PRSS37: variants seen among roughly 807,000 people sequenced by gnomAD.
PRSS37 encodes the protein probable inactive serine protease 37.
Under a neutral mutation model 28.0 loss-of-function variants are expected in PRSS37, and 25 were observed. The observed-to-expected ratio is 0.89, with a 90% confidence interval of 0.65 to 1.25. The LOEUF (loss-of-function observed/expected upper bound fraction) is 1.25, where lower values mean the gene tolerates loss of function less well. Among genes scored for constraint, PRSS37 ranks in the 50% most tolerant of loss-of-function variants. The pLI, the probability that PRSS37 is intolerant of heterozygous loss-of-function variation, is 0.00. For synonymous variants in PRSS37, 109 were observed against 107.8 expected, an observed-to-expected ratio of 1.01 and a Z score of -0.07; for missense variants, 282 against 292.2, an observed-to-expected ratio of 0.97 and a Z score of 0.25.
chr7:141,839,206 CT>C (rs1584803025), intron 2 of PRSS37, 131 bp downstream of exon 2: 1 of 856,686 alleles, frequency 1.2e-6, no homozygotes, highest in Non-Finnish European at 1.8e-6. Flanking sequence ...GCACTGCCCC[CT>C]GGTTGTGACA....
At position 141,837,257 on chromosome 7, in the gene PRSS37, G is replaced by A; in HGVS notation, c.431-9C>T. 1 of 1,585,278 alleles carries A rather than the reference G, an allele frequency of 6.3e-7. No individual in the cohort carries two copies. The highest frequency in any genetic ancestry group is 8.6e-7 in the Non-Finnish European group (1 of 1,169,368). On this transcript the variant is annotated splice_polypyrimidine_tract_variant and intron_variant, in intron 3 of 4. Coordinates refer to ENST00000350549, the MANE Select transcript of PRSS37 (RefSeq NM_001008270.3). ...CAAGTCAGGGTGTCGGCCTGAGGGA[G>A]ACGGGGATAAAATAAAACATCCTGT...
At position 141,839,427 on chromosome 7, in the gene PRSS37, A is replaced by G; in HGVS notation, c.87T>C (p.Tyr29=). ...SSVQKEDPAP[Y]LVYLKSHFNP... ...TGAAGTGAGACTTGAGGTACACCAA[A>G]TAGGGAGCAGGGTCTTCTTTCTGAA... Residue 29 remains tyrosine, a synonymous_variant, in exon 2 of 5, where the codon TAT becomes TAC. Coordinates refer to ENST00000350549, the MANE Select transcript of PRSS37 (RefSeq NM_001008270.3). The G allele has an allele frequency of 6.2e-7, 1 of 1,613,798 alleles. No individual in the cohort carries two copies. The highest frequency in any genetic ancestry group is 8.5e-7 in the Non-Finnish European group (1 of 1,179,718).
rs1800956263 is a variant in PRSS37, at chr7:141,836,450, T to A, written c.653A>T (p.Tyr218Phe). 6.2e-7 allele frequency: 1 copy of A among 1,614,066 alleles called. No individual in the cohort carries two copies. The highest frequency in any genetic ancestry group is 8.5e-7 in the Non-Finnish European group (1 of 1,180,030). ...GHFMGGDVGI[Y>F]TNVYKYVSWI... Reference sequence around the variant, plus strand: ...GGATACATATTTGTAAACATTGGTGTAGATGCCGACGTCCCCTCCCATGAA... The same window carrying A: ...GGATACATATTTGTAAACATTGGTGAAGATGCCGACGTCCCCTCCCATGAA... Residue 218 changes from tyrosine to phenylalanine, a missense_variant, in exon 5 of 5, where the codon TAC becomes TTC. Tyr to Phe is a conservative substitution (Grantham distance 22). Coordinates refer to ENST00000350549, the MANE Select transcript of PRSS37 (RefSeq NM_001008270.3).
In PRSS37 at chr7:141,841,206, C is replaced by G; in HGVS notation, c.-157G>C. On this transcript the variant is annotated 5_prime_UTR_variant, in exon 1 of 5. Transcript: ENST00000350549. ...ATTGGAAAGCAGCTCTGGGCATAAA[C>G]AGGGGAGGGAGATGGCTTCAGAGAG... 1 of 1,465,460 alleles carries G rather than the reference C, an allele frequency of 6.8e-7. No homozygotes were observed. Among genetic ancestry groups the G allele is most frequent in the South Asian group, 1.4e-5 (1 of 73,608 alleles). 90.8% of individuals were successfully genotyped at this position (1,465,460 alleles called of 1,614,324 possible).
intron 1 of PRSS37, among the ~76,000 whole-genome samples, chr7:141,840,135 A>G (rs1801107945): frequency 6.6e-6 from 1 of 152,196 alleles, no homozygotes. Flanking sequence ...CTGAGAGTAA[A>G]CTCAAAGTGT....
chr7:141,838,168 A>G (rs11765575), intron 2 of PRSS37, 55 bp from the exon 3 acceptor site: 509,896 of 1,605,226 alleles, frequency 0.32, 83,176 homozygotes, highest in East Asian at 0.52. Flanking sequence ...CATTGCTAAG[A>G]TACTGAATGT....
chr7:141,837,365 A>G (rs1425946028), intron 3 of PRSS37, 117 bp from the exon 4 acceptor site: 7 of 1,307,002 alleles, frequency 5.4e-6, no homozygotes, highest in Non-Finnish European at 1.0e-6. Context: ...GAAAATAAGG[A>G]ATGCGACAAA....
rs1462911997 is a variant in PRSS37, at chr7:141,836,785, A to AT, written c.568-251dup. Among the ~76,000 whole-genome samples, 53 of 152,130 alleles carry AT rather than the reference A, an allele frequency of 3.5e-4. 1 individual carries two copies. Among genetic ancestry groups the AT allele is most frequent in the Admixed American group, 3.3e-3 (50 of 15,276 alleles). On this transcript the variant is annotated intron_variant, in intron 4 of 4. Coordinates refer to ENST00000350549, the MANE Select transcript of PRSS37 (RefSeq NM_001008270.3). ...TCACATGTAAAATGGGTCAGACTCCATTTTTTTGAACTGGTGAAGGCATTT... is the reference window on the plus strand; with the variant it reads ...TCACATGTAAAATGGGTCAGACTCCATTTTTTTTGAACTGGTGAAGGCATTT...
intron 2 of PRSS37, chr7:141,838,328 A>T: frequency 7.1e-7 from 1 of 1,412,736 alleles, no homozygotes; most frequent in East Asian, 2.6e-5. Context: ...GTGATATAGT[A>T]AGTAGTGGAG....
At chr7:141,839,564 T>G in intron 1 of PRSS37, 85 bp from the exon 2 acceptor site, 1 of 1,106,338 alleles carries the variant, frequency 9.0e-7, no homozygotes. Context: ...TCTGGATGAT[T>G]CTTAAACAGT....
chr7:141,838,578 C>A, intron 2 of PRSS37: 1 of 442,484 alleles, frequency 2.3e-6, no homozygotes, highest in Non-Finnish European at 3.2e-6. Flanking sequence ...AATCAGTGGG[C>A]TCTCTTGTCC....
rs73525255 is a variant in PRSS37 at position 141,841,068 on chromosome 7, C to A, written c.-19G>T. On this transcript the variant is annotated 5_prime_UTR_variant, in exon 1 of 5. Transcript: ENST00000350549. ...ATTTCATGGTGATCCAGCTCTTCCC[C>A]CTGTGAGATGTAGAAGAAAATCAGC... 2.6e-3 allele frequency: 4,240 copies of A among 1,613,450 alleles called. 107 individuals are homozygous for A. The African/African-American group carries it at 0.051, about 19-fold the overall frequency.
chr7:141,837,756 C>T (rs1277200395), intron 3 of PRSS37, 104 bp downstream of exon 3: 3 of 1,556,106 alleles, frequency 1.9e-6, no homozygotes, highest in African/African-American at 2.7e-5. Flanking sequence ...TATTGGGTCT[C>T]CTTTCACTCT....
In PRSS37 at chr7:141,839,479, C is replaced by A. The variant is rs527971176; in HGVS notation, c.35G>T (p.Gly12Val). 3.1e-6 allele frequency: 5 copies of A among 1,609,342 alleles called. No homozygotes were observed. Among genetic ancestry groups the A allele is most frequent in the Non-Finnish European group, 4.2e-6 (5 of 1,176,642 alleles). Residue 12 changes from glycine (G) to valine (V), a missense_variant and splice_region_variant, in exon 2 of 5, where the codon GGG becomes GTG. Transcript: ENST00000350549. ...AGATGAGTCAGCAAAGAAAAATGTC[C>A]CTGAGAAAATAATGAACATTCTTAA... is the stretch of plus-strand genomic sequence containing the variant. ...KYVFYLGVLA[G>V]TFFFADSSVQ...
intron 2 of PRSS37, 147 bp downstream of exon 2, chr7:141,839,191 C>CT: frequency 1.4e-6 from 1 of 716,926 alleles, no homozygotes; most frequent in Admixed American, 2.6e-5. Context: ...CATTAGATGC[C>CT]AATAGCACTG....
intron 2 of PRSS37, chr7:141,839,078 C>G (rs1801071300): frequency 3.2e-6 from 2 of 618,036 alleles, no homozygotes; most frequent in Non-Finnish European, 5.9e-6. Context: ...CAGGGTTCCT[C>G]AACAGTGGCA....
At chr7:141,838,144 A>G (rs761158331) in intron 2 of PRSS37, 31 bp from the exon 3 acceptor site, 1 of 1,612,208 alleles carries the variant, frequency 6.2e-7, no homozygotes, top group Non-Finnish European at 8.5e-7. Flanking sequence ...AGTAATCATC[A>G]TCATCATCAT....
Position 141,837,141 on chromosome 7 carries a change from AT to A in PRSS37, c.537del (p.Lys179AsnfsTer3). 6.2e-7 allele frequency: 1 copy of A among 1,613,012 alleles called. No individual in the cohort carries two copies. Among genetic ancestry groups the A allele is most frequent in the Non-Finnish European group, 8.5e-7 (1 of 1,179,744 alleles). ...GKSHRNSLCV[K>X]FVKVFSRIFG... ...AAAATTCGGCTGAATACTTTCACAA[AT>A]TTCACACATAAGGAATTCCTGTGGC... On this transcript the variant is annotated frameshift_variant, in exon 4 of 5. Coordinates refer to ENST00000350549, the MANE Select transcript of PRSS37 (RefSeq NM_001008270.3). LOFTEE classifies it high-confidence loss of function.
Position 141,841,468 on chromosome 7 carries a change from G to GT in PRSS37, c.-420dup, listed in dbSNP as rs1801147221. On this transcript the variant is annotated 5_prime_UTR_variant, in exon 1 of 5. Transcript: ENST00000350549. The stretch of plus-strand genomic sequence containing the variant: ...AATATTCTTTACCTTAGCTCAGGGA[G>GT]TAAGTGTCCTGAGGTTTGCTCTGAA... 2 of 200,918 alleles carry GT rather than the reference G, an allele frequency of 1.0e-5. No homozygotes were observed. The highest frequency in any genetic ancestry group is 1.1e-4 in the Admixed American group (2 of 18,046). The allele number at this position is 200,918 out of a possible 1,614,324, so 12.4% of individuals were successfully genotyped here.
Sources: gnomAD v4.1 joint callset for allele counts (sites outside exome capture counted in the v4.1 genomes callset) on GRCh38, gnomAD v4.1.1 for gene constraint, MANE v1.5 for transcripts, NCBI Gene and HGNC (gene_info 2026-07-23, HGNC 2026-07-21) for gene names.